The following NRXN1 variants were observed in gnomAD, a reference collection of about 807,000 sequenced individuals.
The protein encoded by NRXN1 is neurexin-1.
NRXN1 carries 39 observed loss-of-function variants against 150.9 expected under a neutral mutation model. That is an observed-to-expected ratio of 0.26 (90% CI 0.20 to 0.34). The LOEUF is 0.34. Ranked by LOEUF, NRXN1 falls within the 10% of genes least tolerant of loss-of-function variation. NRXN1 has a pLI of 1.00. For missense variants in NRXN1, 1,815 were observed against 1,949.9 expected (o/e 0.93, Z 1.30); for synonymous variants, 924 against 757.0 (o/e 1.22, Z -3.62).
At chr2:50,409,920 G>A (rs2083022563) in intron 17 of NRXN1, among the ~76,000 whole-genome samples, 1 of 152,138 alleles carries the variant, frequency 6.6e-6, no homozygotes, top group African/African-American at 2.4e-5. Flanking sequence ...ATTAGTTACA[G>A]GACAGAGTTC....
At chr2:50,355,032 A>G (rs1370845884) in intron 17 of NRXN1, among the ~76,000 whole-genome samples, 1 of 152,138 alleles carries the variant, frequency 6.6e-6, no homozygotes, top group Non-Finnish European at 1.5e-5. Context: ...CAAACCAGGA[A>G]CCAGAAATCA....
intron 18 of NRXN1, among the ~76,000 whole-genome samples, chr2:50,232,355 C>T (rs2065015583): frequency 6.7e-6 from 1 of 150,182 alleles, no homozygotes; most frequent in South Asian, 2.1e-4. Flanking sequence ...TGAAAAGTCA[C>T]ATTACTGTAT....
At chr2:50,674,068 G>A (rs1266439570) in intron 5 of NRXN1, among the ~76,000 whole-genome samples, 1 of 151,928 alleles carries the variant, frequency 6.6e-6, no homozygotes, top group Non-Finnish European at 1.5e-5. Context: ...TGCACATTCT[G>A]CACATGTACC....
intron 5 of NRXN1, among the ~76,000 whole-genome samples, chr2:50,840,290 A>T (rs551886002): frequency 1.3e-5 from 2 of 152,264 alleles, no homozygotes; most frequent in Non-Finnish European, 2.9e-5. Flanking sequence ...ATCAATCTCA[A>T]AACCGTGAAA....
chr2:50,240,800 C>A (rs1223224652), intron 17 of NRXN1, among the ~76,000 whole-genome samples: 1 of 151,628 alleles, frequency 6.6e-6, no homozygotes, highest in East Asian at 1.9e-4. Flanking sequence ...TGAGATATTA[C>A]AAAGTAACAT....
intron 5 of NRXN1, among the ~76,000 whole-genome samples, chr2:50,695,303 T>C (rs1349772726): frequency 6.6e-6 from 1 of 152,178 alleles, no homozygotes; most frequent in East Asian, 1.9e-4. Flanking sequence ...CAAATCAGAC[T>C]CACATGAATT....
At chr2:50,212,951 T>C (rs2063139414) in intron 18 of NRXN1, among the ~76,000 whole-genome samples, 2 of 151,976 alleles carry the variant, frequency 1.3e-5, no homozygotes, top group Admixed American at 1.3e-4. Context: ...GGCTTTAGTA[T>C]GGGAAACACT....
At chr2:50,754,105 T>C (rs1427733298) in intron 5 of NRXN1, among the ~76,000 whole-genome samples, 1 of 151,834 alleles carries the variant, frequency 6.6e-6, no homozygotes, top group Non-Finnish European at 1.5e-5. Context: ...ATTCATTCAC[T>C]ATCCATTTAC....
At chr2:50,464,316 G>T (rs752702968) in intron 17 of NRXN1, 1 of 151,808 alleles carries the variant, frequency 6.6e-6, no homozygotes, top group Admixed American at 6.6e-5. Flanking sequence ...ACTCTGTATT[G>T]GTTGTGCGTT....
intron 17 of NRXN1, among the ~76,000 whole-genome samples, chr2:50,277,873 T>A (rs74664364): frequency 0.018 from 2,727 of 151,964 alleles, 90 homozygotes; most frequent in African/African-American, 0.063. Flanking sequence ...ACAATCTACC[T>A]TGATCAGAAA....
chr2:50,335,889 TG>T (rs1483834378), intron 17 of NRXN1, among the ~76,000 whole-genome samples: 1 of 112,436 alleles, frequency 8.9e-6, no homozygotes, highest in Non-Finnish European at 1.8e-5. Flanking sequence ...CAGTCCTTTC[TG>T]TTTTTTTTTT....
At chr2:50,874,948 C>T (rs771041029) in intron 5 of NRXN1, among the ~76,000 whole-genome samples, 5 of 151,678 alleles carry the variant, frequency 3.3e-5, no homozygotes, top group African/African-American at 9.7e-5. Context: ...ACTGGTAGAA[C>T]CACAATTACA....
intron 17 of NRXN1, among the ~76,000 whole-genome samples, chr2:50,454,278 A>G (rs1278178598): frequency 1.3e-5 from 2 of 152,192 alleles, no homozygotes; most frequent in African/African-American, 4.8e-5. Context: ...GTGAGCCAAA[A>G]TCATGCCACT....
chr2:50,797,152 T>G (rs1706947671), intron 5 of NRXN1, among the ~76,000 whole-genome samples: 1 of 152,328 alleles, frequency 6.6e-6, no homozygotes, highest in South Asian at 2.1e-4. Flanking sequence ...TTTGGAACAA[T>G]ATTCAGATCA....
At chr2:50,153,065 C>A (rs1194243514) in intron 18 of NRXN1, among the ~76,000 whole-genome samples, 1 of 151,620 alleles carries the variant, frequency 6.6e-6, no homozygotes, top group African/African-American at 2.4e-5. Flanking sequence ...AGGTAAAAAT[C>A]TTGACCTATC....
At chr2:50,078,386 T>G (rs2351154) in intron 19 of NRXN1, among the ~76,000 whole-genome samples, 1 of 151,410 alleles carries the variant, frequency 6.6e-6, no homozygotes, top group East Asian at 1.9e-4. Context: ...AAAAAAAAAA[T>G]CTTATAGAAT....
At chr2:50,175,845 CT>C (rs1175035072) in intron 18 of NRXN1, among the ~76,000 whole-genome samples, 2 of 152,122 alleles carry the variant, frequency 1.3e-5, no homozygotes, top group Non-Finnish European at 2.9e-5. Flanking sequence ...CACTTTACTT[CT>C]GATTTTCTTC....
At chr2:50,994,493 G>A (rs1698989319) in intron 2 of NRXN1, among the ~76,000 whole-genome samples, 1 of 152,006 alleles carries the variant, frequency 6.6e-6, no homozygotes, top group African/African-American at 2.4e-5. Flanking sequence ...AACATAGCCA[G>A]AGAGGCAGAA....
chr2:51,019,494 C>T (rs2105267178), intron 2 of NRXN1, among the ~76,000 whole-genome samples: 1 of 152,126 alleles, frequency 6.6e-6, no homozygotes, highest in East Asian at 1.9e-4. Context: ...GGCATCTAGT[C>T]CATTTTCTGA....
Sources: allele counts gnomAD v4.1 joint callset (sites outside exome capture counted in the v4.1 genomes callset), GRCh38; gene constraint gnomAD v4.1.1; transcripts MANE v1.5; gene names NCBI Gene and HGNC (gene_info 2026-07-23, HGNC 2026-07-21).